Variants in DOCK7 observed in about 807,000 individuals in gnomAD.
DOCK7 encodes the protein dedicator of cytokinesis 7.
In DOCK7, 138 loss-of-function variants were observed where a neutral mutation model predicts 271.0. That is an observed-to-expected ratio of 0.51 (90% CI 0.44 to 0.59). The LOEUF (loss-of-function observed/expected upper bound fraction) is 0.59. Among genes scored for constraint, DOCK7 ranks in the 20% least tolerant of loss-of-function variants. The pLI is 0.00. For missense variants in DOCK7, 2,066 were observed against 2,592.4 expected (o/e 0.80, Z 4.41); for synonymous variants, 823 against 876.1 (o/e 0.94, Z 1.07).
chr1:62,606,871 A>G (rs1028326411), intron 14 of DOCK7, among the ~76,000 whole-genome samples: 1 of 151,944 alleles, frequency 6.6e-6, no homozygotes, highest in Non-Finnish European at 1.5e-5. Context: ...CCTATTTGCC[A>G]TTTCTCCCTT....
At chr1:62,538,888 G>A (rs1353051043) in intron 27 of DOCK7, among the ~76,000 whole-genome samples, 1 of 152,064 alleles carries the variant, frequency 6.6e-6, no homozygotes, top group East Asian at 1.9e-4. Context: ...TCAGAAATAT[G>A]TATATTTTTA....
At chr1:62,518,657 T>C (rs979763044) in intron 31 of DOCK7, among the ~76,000 whole-genome samples, 7 of 147,950 alleles carry the variant, frequency 4.7e-5, no homozygotes, top group Admixed American at 1.3e-4. Context: ...GGAGAATCAC[T>C]TGAACCTGGG....
intron 14 of DOCK7, among the ~76,000 whole-genome samples, chr1:62,609,772 GC>G (rs1651514877): frequency 6.6e-6 from 1 of 152,032 alleles, no homozygotes; most frequent in Non-Finnish European, 1.5e-5. Flanking sequence ...TCAGATGCAA[GC>G]CCCTAACTAA....
chr1:62,645,662 T>C (rs1571886994), intron 7 of DOCK7, among the ~76,000 whole-genome samples: 1 of 152,182 alleles, frequency 6.6e-6, no homozygotes, highest in African/African-American at 2.4e-5. Context: ...GTATGCTTGG[T>C]GAACTGGGTG....
chr1:62,601,236 T>C (rs1449682557), intron 14 of DOCK7: 6 of 1,318,504 alleles, frequency 4.6e-6, no homozygotes, highest in Non-Finnish European at 4.4e-6. Context: ...AAGCTATTAT[T>C]ATCAAATTCC....
rs372305581 is a variant in DOCK7, at chr1:62,529,273, G to C, written c.3781+4C>G. The C allele has an allele frequency of 2.9e-5, 46 of 1,590,050 alleles. No homozygotes were observed. In the African/African-American group the frequency reaches 5.7e-4, roughly 20 times the overall value. ...TTAATATTTGCCTTAATTATACTAG[G>C]TACCTGTAAAATCATACAGCTGAGG... On this transcript the variant is annotated splice_donor_region_variant and intron_variant, in intron 30 of 49. Transcript: ENST00000635253.
At chr1:62,595,608 T>C (rs1211631229) in intron 14 of DOCK7, among the ~76,000 whole-genome samples, 1 of 152,142 alleles carries the variant, frequency 6.6e-6, no homozygotes, top group Non-Finnish European at 1.5e-5. Flanking sequence ...AGCCTCTATT[T>C]TACACAATGA....
chr1:62,593,976 T>C (rs1197839499), intron 14 of DOCK7, among the ~76,000 whole-genome samples: 1 of 152,286 alleles, frequency 6.6e-6, no homozygotes, highest in Non-Finnish European at 1.5e-5. Context: ...TAAAGGACTT[T>C]GCTTTGCTTG....
In DOCK7 at chr1:62,506,396, T is replaced by G. The variant is rs76638258; in HGVS notation, c.4477-580A>C. On this transcript the variant is annotated intron_variant, in intron 35 of 49. Coordinates refer to ENST00000635253, the MANE Select transcript of DOCK7 (RefSeq NM_001367561.1). Reference sequence around the variant, plus strand: ...GATGGCCGCAGCTCAAGCAACCATCTTGGGATCAGTTATCTTGGACTTATT... The same window carrying G: ...GATGGCCGCAGCTCAAGCAACCATCGTGGGATCAGTTATCTTGGACTTATT... Among the ~76,000 whole-genome samples, 695 of 152,292 alleles carry G rather than the reference T, an allele frequency of 4.6e-3. 6 individuals are homozygous for G. Among genetic ancestry groups the G allele is most frequent in the African/African-American group, 0.016 (672 of 41,568 alleles).
chr1:62,686,149 A>T, intron 1 of DOCK7, among the ~76,000 whole-genome samples: 1 of 112,232 alleles, frequency 8.9e-6, no homozygotes, highest in Non-Finnish European at 1.8e-5. Flanking sequence ...ATACATGTCA[A>T]GTAATAACTT....
chr1:62,617,540 T>G (rs1426713812), intron 14 of DOCK7, among the ~76,000 whole-genome samples: 1 of 152,006 alleles, frequency 6.6e-6, no homozygotes, highest in African/African-American at 2.4e-5. Context: ...TATTAAGCAC[T>G]TGAAATGTGG....
chr1:62,553,330 ATATATATATATATATATATATATATT>A (rs1645990279), intron 21 of DOCK7, among the ~76,000 whole-genome samples: 2 of 3,632 alleles, frequency 5.5e-4, no homozygotes, highest in African/African-American at 2.4e-3. Flanking sequence ...ATATATATAT[ATATATATATATATATATATATATATT>A]TTTTTTTTTT....
intron 1 of DOCK7, among the ~76,000 whole-genome samples, chr1:62,664,609 A>T (rs1026139288): frequency 1.3e-5 from 2 of 152,224 alleles, no homozygotes; most frequent in Non-Finnish European, 2.9e-5. Flanking sequence ...CTTTTAGTTA[A>T]TAACAATGTA....
rs985044284 is a variant in DOCK7 at position 62,650,229 on chromosome 1, T to C, written c.390-1685A>G. 3.3e-5 allele frequency among the ~76,000 whole-genome samples: 5 copies of C among 152,324 alleles called. No individual in the cohort carries two copies. In the South Asian group the frequency reaches 6.2e-4, roughly 19 times the overall value. ...TTACCTGTGTTGGTTTATTGTCTAT[T>C]GACAATCTCATCTCCCACTAGAATA... On this transcript the variant is annotated intron_variant, in intron 4 of 49. Transcript: ENST00000635253.
chr1:62,456,367 A>G (rs1220255404), intron 49 of DOCK7, among the ~76,000 whole-genome samples: 2 of 152,158 alleles, frequency 1.3e-5, no homozygotes, highest in Non-Finnish European at 2.9e-5. Context: ...TACTCTTAAC[A>G]TATTTTCCAT....
At chr1:62,468,360 C>CAAA (rs201784083) in intron 48 of DOCK7, among the ~76,000 whole-genome samples, 1,054 of 92,822 alleles carry the variant, frequency 0.011, 34 homozygotes, top group Non-Finnish European at 0.017. Flanking sequence ...GACTCTGTCT[C>CAAA]AAAAAAAAAA....
At chr1:62,532,488 T>C (rs749761174) in intron 29 of DOCK7, among the ~76,000 whole-genome samples, 3 of 152,176 alleles carry the variant, frequency 2.0e-5, no homozygotes, top group Admixed American at 1.3e-4. Flanking sequence ...TGCACCACCA[T>C]GTACGGCTAA....
intron 10 of DOCK7, among the ~76,000 whole-genome samples, chr1:62,631,928 TAGA>T (rs1432738220): frequency 3.9e-5 from 6 of 152,148 alleles, no homozygotes; most frequent in Non-Finnish European, 8.8e-5. Context: ...AAAAGGAAAG[TAGA>T]AGAAGACTAA....
Position 62,654,118 on chromosome 1 carries a change from A to G in DOCK7, c.186T>C (p.Asp62=). ...TEAVDPVDLE[D]YLITHPLAVD... ...CAGCCAAAGGATGAGTAATGAGGTA[A>G]TCTTCCAAATCCACTGGATCTACTG... is the stretch of plus-strand genomic sequence containing the variant. Residue 62 remains aspartate (D), a synonymous_variant, in exon 3 of 50, where the codon GAT becomes GAC. Coordinates refer to ENST00000635253, the MANE Select transcript of DOCK7 (RefSeq NM_001367561.1). The G allele has an allele frequency of 6.2e-7, 1 of 1,613,892 alleles. No individual in the cohort carries two copies. The highest frequency in any genetic ancestry group is 8.5e-7 in the Non-Finnish European group (1 of 1,179,870).
Sources: gnomAD v4.1 joint callset for allele counts (sites outside exome capture counted in the v4.1 genomes callset) on GRCh38, gnomAD v4.1.1 for gene constraint, MANE v1.5 for transcripts, NCBI Gene and HGNC (gene_info 2026-07-23, HGNC 2026-07-21) for gene names.